The following ANKRD6 variants were observed in gnomAD, a reference collection of about 807,000 sequenced individuals.
The protein encoded by ANKRD6 is ankyrin repeat domain-containing protein 6.
ANKRD6 carries 56 observed loss-of-function variants against 82.3 expected under a neutral mutation model. The observed-to-expected ratio is 0.68, with a 90% CI of 0.55 to 0.85. The LOEUF is 0.85. ANKRD6 is among the 40% of genes least tolerant of loss of function. The pLI, the probability that ANKRD6 is intolerant of heterozygous loss-of-function variation, is 0.00. For missense variants in ANKRD6, 852 were observed against 907.6 expected (o/e 0.94, Z 0.79); for synonymous variants, 347 against 352.1 (o/e 0.99, Z 0.16).
intron 1 of ANKRD6, among the ~76,000 whole-genome samples, chr6:89,521,598 A>AG (rs577777418): frequency 4.7e-4 from 72 of 152,364 alleles, no homozygotes; most frequent in Middle Eastern, 3.4e-3. Context: ...AAGCCACAGA[A>AG]GATGCAACAA....
chr6:89,611,159 C>A (rs1178636104), intron 5 of ANKRD6, among the ~76,000 whole-genome samples: 1 of 144,036 alleles, frequency 6.9e-6, no homozygotes, highest in Non-Finnish European at 1.5e-5. Context: ...TGGCCGCATC[C>A]AGTATTCCTC....
chr6:89,594,969 C>T (rs552014581), intron 2 of ANKRD6, among the ~76,000 whole-genome samples: 1 of 152,134 alleles, frequency 6.6e-6, no homozygotes, highest in Admixed American at 6.6e-5. Context: ...CCAGGCTGAT[C>T]GCAAACCCCT....
At chr6:89,522,155 A>G (rs975287722) in intron 1 of ANKRD6, among the ~76,000 whole-genome samples, 3 of 152,204 alleles carry the variant, frequency 2.0e-5, no homozygotes, top group South Asian at 2.1e-4. Context: ...TCAGGGGGGA[A>G]TTCTCTAGCT....
chr6:89,614,205 T>G (rs1042565656), intron 7 of ANKRD6, among the ~76,000 whole-genome samples: 17 of 152,150 alleles, frequency 1.1e-4, no homozygotes, highest in Non-Finnish European at 2.5e-4. Flanking sequence ...CGAGGAAGAA[T>G]GTGATTTAGT....
At chr6:89,494,290 C>T (rs574655154) in intron 1 of ANKRD6, among the ~76,000 whole-genome samples, 2 of 152,346 alleles carry the variant, frequency 1.3e-5, no homozygotes, top group South Asian at 4.1e-4. Context: ...AGGCAGATAA[C>T]TCTTGATCAG....
intron 1 of ANKRD6, among the ~76,000 whole-genome samples, chr6:89,500,820 A>G (rs1291693981): frequency 6.6e-6 from 1 of 152,200 alleles, no homozygotes; most frequent in Non-Finnish European, 1.5e-5. Flanking sequence ...TGTGGGCCGT[A>G]GTTTTAAGTT....
At chr6:89,485,582 T>G (rs854871) in intron 1 of ANKRD6, among the ~76,000 whole-genome samples, 3 of 151,972 alleles carry the variant, frequency 2.0e-5, no homozygotes, top group Non-Finnish European at 2.9e-5. Context: ...CTCTGCTGCT[T>G]GGTGCTGTCC....
chr6:89,623,670 C>T (rs1804492000), intron 11 of ANKRD6, 126 bp downstream of exon 11: 3 of 1,392,200 alleles, frequency 2.2e-6, no homozygotes, highest in East Asian at 2.5e-5. Context: ...AGCCAGAGCA[C>T]AGAAATTAAA....
At chr6:89,448,303 A>T (rs1031510277) in intron 1 of ANKRD6, among the ~76,000 whole-genome samples, 2 of 152,008 alleles carry the variant, frequency 1.3e-5, no homozygotes, top group African/African-American at 2.4e-5. Context: ...GTGTTGTGGC[A>T]TGTGCCTGTA....
chr6:89,462,243 AAT>A (rs35113131), intron 1 of ANKRD6, among the ~76,000 whole-genome samples: 8,275 of 147,662 alleles, frequency 0.056, 296 homozygotes, highest in South Asian at 0.13. Context: ...AAATAATAAT[AAT>A]AATAATAATA....
intron 2 of ANKRD6, among the ~76,000 whole-genome samples, chr6:89,571,508 T>G (rs1167892065): frequency 6.6e-6 from 1 of 152,188 alleles, no homozygotes; most frequent in Non-Finnish European, 1.5e-5. Context: ...TTGATTTTTT[T>G]TGGTGTTGAG....
chr6:89,602,275 T>G (rs917807918), intron 3 of ANKRD6: 13 of 152,258 alleles, frequency 8.5e-5, no homozygotes, highest in Admixed American at 6.5e-5. Flanking sequence ...TGTTACAGTC[T>G]TGACCTGCTT....
intron 1 of ANKRD6, among the ~76,000 whole-genome samples, chr6:89,529,275 T>G (rs1782865524): frequency 6.6e-6 from 1 of 152,266 alleles, no homozygotes; most frequent in South Asian, 2.1e-4. Context: ...TACTGTAACT[T>G]CTACATCAGC....
intron 1 of ANKRD6, among the ~76,000 whole-genome samples, chr6:89,507,441 C>T (rs1421016052): frequency 1.3e-5 from 2 of 152,186 alleles, no homozygotes; most frequent in East Asian, 3.8e-4. Context: ...CAGAATTACC[C>T]ATTTGTTGCA....
chr6:89,502,677 C>G lies in ANKRD6; in HGVS notation c.-143-64157C>G, dbSNP rs539701498. Among the ~76,000 whole-genome samples the G allele has an allele frequency of 3.2e-4, 48 of 152,264 alleles. No homozygotes were observed. The South Asian group carries it at 9.8e-3, about 31-fold the overall frequency. On this transcript the variant is annotated intron_variant, in intron 1 of 15. Coordinates refer to ENST00000339746, the MANE Select transcript of ANKRD6 (RefSeq NM_001242809.2). ...TTTGATCCTTGCTTTCCTTACCTGA[C>G]GGGACCCTTTTTGAGCTTTTGGCTA...
At chr6:89,611,439 C>T (rs1179900) in intron 5 of ANKRD6, among the ~76,000 whole-genome samples, 136,867 of 152,278 alleles carry the variant, frequency 0.9, 61,778 homozygotes, top group East Asian at 1. Flanking sequence ...CACGGCCTTG[C>T]TTTCTTGTTA....
chr6:89,447,914 C>T (rs1347422264), intron 1 of ANKRD6, among the ~76,000 whole-genome samples: 1 of 147,576 alleles, frequency 6.8e-6, no homozygotes, highest in East Asian at 2.0e-4. Context: ...CTTGAACTCC[C>T]AACCTCAAGT....
rs986959589 is a variant in ANKRD6, at chr6:89,633,016, G to T, written c.*2012G>T. On this transcript the variant is annotated 3_prime_UTR_variant, in exon 16 of 16. Transcript: ENST00000339746. The stretch of plus-strand genomic sequence containing the variant: ...CTGAAAACTAAATTTTAAGTATCAA[G>T]TCTAGACCATAGAGTGCTTTGGTGG... 1 of 152,202 alleles carries T rather than the reference G, an allele frequency of 6.6e-6. No individual in the cohort carries two copies. Among genetic ancestry groups the T allele is most frequent in the African/African-American group, 2.4e-5 (1 of 41,458 alleles). The allele number at this position is 152,202 out of a possible 1,614,324, so 9.4% of individuals were successfully genotyped here.
chr6:89,535,852 G>A (rs955024962), intron 1 of ANKRD6, among the ~76,000 whole-genome samples: 1 of 152,292 alleles, frequency 6.6e-6, no homozygotes, highest in East Asian at 1.9e-4. Flanking sequence ...GCAATCCCAA[G>A]TACATGGTCT....
Sources: gnomAD v4.1 joint callset for allele counts (sites outside exome capture counted in the v4.1 genomes callset) on GRCh38, gnomAD v4.1.1 for gene constraint, MANE v1.5 for transcripts, NCBI Gene and HGNC (gene_info 2026-07-23, HGNC 2026-07-21) for gene names.